Variants in DEUP1 observed in about 807,000 individuals in gnomAD.
The protein encoded by DEUP1 is coiled-coil domain containing 67.
A neutral mutation model predicts 87.4 loss-of-function variants in DEUP1; 82 were observed. The ratio of observed to expected loss-of-function variants is 0.94; its 90% CI spans 0.78 to 1.13. The LOEUF is 1.13. Among genes scored for constraint, DEUP1 ranks in the 50% most tolerant of loss-of-function variants. DEUP1 has a pLI of 0.00. For synonymous variants in DEUP1, 214 were observed against 222.7 expected, an observed-to-expected ratio of 0.96 and a Z score of 0.35; for missense variants, 663 against 681.5, an observed-to-expected ratio of 0.97 and a Z score of 0.30.
chr11:93,352,155 A>T lies in DEUP1; in HGVS notation c.30-3216A>T, dbSNP rs115917736. On this transcript the variant is annotated intron_variant, in intron 2 of 13. Coordinates refer to ENST00000298050, the MANE Select transcript of DEUP1 (RefSeq NM_181645.4). The stretch of plus-strand genomic sequence containing the variant: ...TTTAAAATTCTGATTTGGTGAAACT[A>T]AATGGAGGAAATGCTGTCATGTGGC... 413 of 507,226 alleles carry T rather than the reference A, an allele frequency of 8.1e-4. 3 individuals are homozygous for T. The highest frequency in any genetic ancestry group is 7.4e-3 in the African/African-American group (391 of 52,876). The allele number at this position is 507,226 out of a possible 1,614,324, so 31.4% of individuals were successfully genotyped here. A position where few individuals can be genotyped will look rare whatever the true frequency, so the allele number is the denominator to read the frequency against.
chr11:93,398,637 T>C (rs1320435246), intron 11 of DEUP1, among the ~76,000 whole-genome samples: 1 of 152,284 alleles, frequency 6.6e-6, no homozygotes, highest in East Asian at 1.9e-4. Context: ...TATTTTTGTA[T>C]ATTCATTGAC....
intron 1 of DEUP1, 99 bp from the exon 2 acceptor site, chr11:93,332,117 A>G (rs1221083300): frequency 1.6e-6 from 1 of 643,588 alleles, no homozygotes; most frequent in Non-Finnish European, 2.7e-6. Context: ...ACACAGAAAA[A>G]CTCATACTAA....
Position 93,332,274 on chromosome 11 carries a change from C to G in DEUP1, c.15C>G (p.Ala5=), listed in dbSNP as rs1943529389. ...AGTTTCTTGACATGGAGAACCAAGC[C>G]CATAATACGATGGGGTAAGTGCTGA... The part of the protein sequence containing the change: MENQ[A]HNTMGTSPCE... Residue 5 remains alanine, a synonymous_variant, in exon 2 of 14, where the codon GCC becomes GCG. Transcript: ENST00000298050. The G allele has an allele frequency of 6.2e-7, 1 of 1,607,538 alleles. No homozygotes were observed. The highest frequency in any genetic ancestry group is 1.7e-5 in the Admixed American group (1 of 59,590).
intron 2 of DEUP1, among the ~76,000 whole-genome samples, chr11:93,343,449 A>C (rs1944178357): frequency 6.6e-6 from 1 of 152,178 alleles, no homozygotes; most frequent in Non-Finnish European, 1.5e-5. Flanking sequence ...TATGTATGTC[A>C]ATATGCAATA....
intron 11 of DEUP1, among the ~76,000 whole-genome samples, chr11:93,406,783 A>G (rs545217676): frequency 2.6e-5 from 4 of 152,062 alleles, no homozygotes; most frequent in African/African-American, 9.6e-5. Flanking sequence ...AAACACAGAC[A>G]CCCTAATGAG....
chr11:93,408,248 C>T lies in DEUP1; in HGVS notation c.1344C>T (p.Asn448=). Residue 448 remains asparagine (N), a synonymous_variant, in exon 12 of 14, where the codon AAC becomes AAT. Coordinates refer to ENST00000298050, the MANE Select transcript of DEUP1 (RefSeq NM_181645.4). Reference sequence around the variant, plus strand: ...TTCTCTAGAGTATGGACTTCACTAACAGGGAACAGTCAAGGCATACATCTA... The same window carrying T: ...TTCTCTAGAGTATGGACTTCACTAATAGGGAACAGTCAAGGCATACATCTA... The part of the protein sequence containing the change: ...PGEYMSMDFT[N]REQSRHTSIN... 1.3e-6 allele frequency: 2 copies of T among 1,574,608 alleles called. No homozygotes were observed. The highest frequency in any genetic ancestry group is 1.2e-5 in the South Asian group (1 of 84,908).
chr11:93,341,527 T>C lies in DEUP1; in HGVS notation c.29+9239T>C, dbSNP rs114422242. Among the ~76,000 whole-genome samples the C allele has an allele frequency of 7.5e-3, 1,147 of 152,312 alleles. 15 individuals carry two copies. Among genetic ancestry groups the C allele is most frequent in the African/African-American group, 0.027 (1,106 of 41,578 alleles). On this transcript the variant is annotated intron_variant, in intron 2 of 13. Coordinates refer to ENST00000298050, the MANE Select transcript of DEUP1 (RefSeq NM_181645.4). ...GGTATGGGGAGATACTGTAAGTCTT[T>C]AGACAGTGAGGTTACTATTAGTCAT...
At chr11:93,378,810 C>A (rs187613409) in intron 7 of DEUP1, among the ~76,000 whole-genome samples, 1 of 152,208 alleles carries the variant, frequency 6.6e-6, no homozygotes, top group East Asian at 1.9e-4. Context: ...GGGATGGATT[C>A]TCTTGGCCCT....
At chr11:93,419,435 G>A (rs1268285239) in intron 13 of DEUP1, among the ~76,000 whole-genome samples, 1 of 152,136 alleles carries the variant, frequency 6.6e-6, no homozygotes, top group Non-Finnish European at 1.5e-5. Flanking sequence ...TGAAAACCAG[G>A]AGGCAGTCAT....
At position 93,360,217 on chromosome 11, in the gene DEUP1, G is replaced by T. The variant is rs530956279; in HGVS notation, c.297+3174G>T. 1.2e-4 allele frequency among the ~76,000 whole-genome samples: 19 copies of T among 152,270 alleles called. No homozygotes were observed. The South Asian group carries it at 3.7e-3, about 30-fold the overall frequency. On this transcript the variant is annotated intron_variant, in intron 4 of 13. Transcript: ENST00000298050. ...CACTTCCAATCAGCAATAATAAGGA[G>T]CACCTCCCATTGGATACCAACTGAA...
rs1466428851 is a variant in DEUP1, at chr11:93,385,527, C to G, written c.919C>G (p.Gln307Glu). The G allele has an allele frequency of 6.2e-7, 1 of 1,603,750 alleles. No homozygotes were observed. The highest frequency in any genetic ancestry group is 8.5e-7 in the Non-Finnish European group (1 of 1,176,618). Residue 307 changes from glutamine to glutamate, a missense_variant, in exon 8 of 14, where the codon CAA (glutamine) becomes GAA (glutamate). By Grantham distance (29) the Gln-to-Glu change is conservative. Coordinates refer to ENST00000298050, the MANE Select transcript of DEUP1 (RefSeq NM_181645.4). ...LLKIGECQNA[Q>E]GNKTRLESSY... ...AAAAATAGGAGAGTGCCAAAATGCT[C>G]AAGGAAATAAAACAAGGTATAATCT... is the stretch of plus-strand genomic sequence containing the variant.
chr11:93,414,819 T>C (rs990668553), intron 12 of DEUP1, among the ~76,000 whole-genome samples, 181 bp from the exon 13 acceptor site: 3 of 152,226 alleles, frequency 2.0e-5, no homozygotes, highest in Admixed American at 1.3e-4. Flanking sequence ...TTCTAAGTCC[T>C]TTAAATGAAA....
chr11:93,413,415 T>G (rs1464111209), intron 12 of DEUP1, among the ~76,000 whole-genome samples: 1 of 152,154 alleles, frequency 6.6e-6, no homozygotes, highest in African/African-American at 2.4e-5. Context: ...CTAATTTTTT[T>G]GTATTTTTAG....
chr11:93,348,036 G>A (rs540352298), intron 2 of DEUP1, among the ~76,000 whole-genome samples: 15 of 152,166 alleles, frequency 9.9e-5, no homozygotes, highest in East Asian at 5.8e-4. Context: ...CACCGCACCC[G>A]GCCCAGAGAT....
rs1473440595 is a variant in DEUP1 at position 93,385,493 on chromosome 11, A to T, written c.885A>T (p.Arg295Ser). Residue 295 changes from arginine to serine, a missense_variant, in exon 8 of 14, where the codon AGA becomes AGT. Transcript: ENST00000298050. The stretch of plus-strand genomic sequence containing the variant: ...AAATGGAACGATTGCAATTACACAG[A>T]GAATTATTAAAAATAGGAGAGTGCC... ...IIEMERLQLHRELLKIGECQN... is the reference protein window; with the variant it reads ...IIEMERLQLHSELLKIGECQN... The T allele has an allele frequency of 6.2e-7, 1 of 1,611,410 alleles. No homozygotes were observed. The highest frequency in any genetic ancestry group is 1.3e-5 in the African/African-American group (1 of 74,978).
At chr11:93,383,809 G>C (rs1396815175) in intron 7 of DEUP1, among the ~76,000 whole-genome samples, 1 of 151,990 alleles carries the variant, frequency 6.6e-6, no homozygotes, top group African/African-American at 2.4e-5. Flanking sequence ...ATACACTAGA[G>C]GTCTATTTAA....
intron 10 of DEUP1, 112 bp from the exon 11 acceptor site, chr11:93,396,127 G>A (rs1946938204): frequency 1.4e-6 from 1 of 694,918 alleles, no homozygotes. Flanking sequence ...TACCGAAGAA[G>A]TGTTTCCCTT....
In DEUP1 at chr11:93,427,028, A is replaced by G. The variant is rs201216340; in HGVS notation, c.1639-10515A>G. On this transcript the variant is annotated intron_variant, in intron 13 of 13. Coordinates refer to ENST00000298050, the MANE Select transcript of DEUP1 (RefSeq NM_181645.4). ...AAAAAAAAAGAAAAAAAAAAAAAAA[A>G]AAAGAAAATGGCCATACTGCCCAAG... 4.6e-4 allele frequency among the ~76,000 whole-genome samples: 4 copies of G among 8,674 alleles called. 1 individual carries two copies. The highest frequency in any genetic ancestry group is 2.0e-3 in the African/African-American group (4 of 1,992). The allele number at this position is 8,674 out of a possible 152,430, so 5.7% of individuals were successfully genotyped here.
At chr11:93,420,472 A>C (rs1274533079) in intron 13 of DEUP1, among the ~76,000 whole-genome samples, 1 of 151,790 alleles carries the variant, frequency 6.6e-6, no homozygotes, top group African/African-American at 2.4e-5. Flanking sequence ...AATGGGCAAA[A>C]ACTGGAAGCA....
Sources: allele counts gnomAD v4.1 joint callset (sites outside exome capture counted in the v4.1 genomes callset), GRCh38; gene constraint gnomAD v4.1.1; transcripts MANE v1.5; gene names NCBI Gene and HGNC (gene_info 2026-07-23, HGNC 2026-07-21).